IGF2R: variants seen among roughly 807,000 people sequenced by gnomAD.
IGF2R encodes insulin like growth factor 2 receptor.
IGF2R carries 91 observed loss-of-function variants against 270.6 expected under a neutral mutation model. The observed-to-expected ratio is 0.34, with a 90% confidence interval of 0.28 to 0.40. The LOEUF is 0.40. Among genes scored for constraint, IGF2R ranks in the 10% least tolerant of loss-of-function variants. The probability of loss-of-function intolerance (pLI) is 1.00; values close to 1 mark genes in which losing one functional copy is unlikely to be tolerated. For missense variants in IGF2R, 2,805 were observed against 3,188.3 expected (o/e 0.88, Z 2.90); for synonymous variants, 1,316 against 1,258.9 (o/e 1.05, Z -0.96).
chr6:160,042,548 C>G (rs1291257080), intron 11 of IGF2R, among the ~76,000 whole-genome samples: 1 of 152,172 alleles, frequency 6.6e-6, no homozygotes, highest in Non-Finnish European at 1.5e-5. Context: ...GCTGGTGCCC[C>G]CTCACGTCCT....
chr6:159,981,410 G>A (rs1413378699), intron 1 of IGF2R, among the ~76,000 whole-genome samples: 2 of 152,054 alleles, frequency 1.3e-5, no homozygotes, highest in East Asian at 1.9e-4. Flanking sequence ...AGATGCCTCC[G>A]GACAGGGGCC....
chr6:160,085,388 A>G (rs541378010), intron 41 of IGF2R, among the ~76,000 whole-genome samples: 1 of 152,344 alleles, frequency 6.6e-6, no homozygotes, highest in Admixed American at 6.5e-5. Flanking sequence ...GCGTCTATCC[A>G]GGAGGAAGTC....
At chr6:160,097,762 G>A (rs745679593) in intron 45 of IGF2R, among the ~76,000 whole-genome samples, 80 of 152,296 alleles carry the variant, frequency 5.3e-4, no homozygotes, top group Non-Finnish European at 9.1e-4. Flanking sequence ...GACGACAGTG[G>A]TGGGGGTCAT....
intron 45 of IGF2R, among the ~76,000 whole-genome samples, chr6:160,097,409 C>A (rs991378132): frequency 2.0e-5 from 3 of 152,182 alleles, no homozygotes; most frequent in Non-Finnish European, 4.4e-5. Context: ...TGGCTCGTTG[C>A]AACCTCTGCC....
chr6:160,037,093 T>C (rs980836129), intron 10 of IGF2R, among the ~76,000 whole-genome samples: 2 of 152,230 alleles, frequency 1.3e-5, no homozygotes, highest in African/African-American at 2.4e-5. Context: ...ATGGCTCATA[T>C]CACCCCACCC....
At chr6:160,059,281 C>T (rs1778380925) in intron 22 of IGF2R, among the ~76,000 whole-genome samples, 183 bp downstream of exon 22, 1 of 151,544 alleles carries the variant, frequency 6.6e-6, no homozygotes, top group Non-Finnish European at 1.5e-5. Context: ...ACAGGGGTCC[C>T]GTTATCCGTG....
intron 31 of IGF2R, among the ~76,000 whole-genome samples, chr6:160,070,599 GTGATCAGTTCTTC>G (rs1424632957): frequency 6.6e-6 from 1 of 152,232 alleles, no homozygotes; most frequent in Non-Finnish European, 1.5e-5. Flanking sequence ...ATGAGTGCCT[GTGATCAGTTCTTC>G]CCTTACTTGT....
At chr6:160,034,987 C>T (rs1241302285) in intron 10 of IGF2R, among the ~76,000 whole-genome samples, 5 of 152,120 alleles carry the variant, frequency 3.3e-5, no homozygotes, top group African/African-American at 9.7e-5. Flanking sequence ...TCACTGGGTG[C>T]ATTGAAGCTG....
At chr6:160,090,996 T>C (rs1160363793) in intron 44 of IGF2R, among the ~76,000 whole-genome samples, 59 of 111,726 alleles carry the variant, frequency 5.3e-4, no homozygotes, top group African/African-American at 1.7e-3. Flanking sequence ...AGCGCATCGC[T>C]GAGAAGGAGC....
At chr6:160,020,539 C>T (rs922287659) in intron 4 of IGF2R, among the ~76,000 whole-genome samples, 1 of 152,294 alleles carries the variant, frequency 6.6e-6, no homozygotes, top group Non-Finnish European at 1.5e-5. Flanking sequence ...TACCCACCTA[C>T]AGATTTTACT....
At chr6:160,006,884 G>A (rs1448186770) in intron 2 of IGF2R, 1 of 150,970 alleles carries the variant, frequency 6.6e-6, no homozygotes, top group Non-Finnish European at 1.5e-5. Flanking sequence ...CTTTTCGCTA[G>A]GAGTAATCAT....
intron 42 of IGF2R, among the ~76,000 whole-genome samples, chr6:160,088,498 G>A (rs1562374678): frequency 6.6e-6 from 1 of 152,188 alleles, no homozygotes; most frequent in South Asian, 2.1e-4. Context: ...TGGGACCCTC[G>A]AGCAGCTGGG....
At chr6:159,969,718 G>C (rs1562326763) in intron 1 of IGF2R, among the ~76,000 whole-genome samples, 1 of 152,160 alleles carries the variant, frequency 6.6e-6, no homozygotes, top group Non-Finnish European at 1.5e-5. Flanking sequence ...GCCTGCCCTC[G>C]CGCGGCCGGG....
chr6:159,975,527 C>G (rs917887805), intron 1 of IGF2R, among the ~76,000 whole-genome samples: 23 of 151,908 alleles, frequency 1.5e-4, no homozygotes, highest in African/African-American at 5.1e-4. Flanking sequence ...AGATGAGAGT[C>G]CTACCTTGGG....
At chr6:159,977,753 A>G (rs1783716656) in intron 1 of IGF2R, among the ~76,000 whole-genome samples, 1 of 152,224 alleles carries the variant, frequency 6.6e-6, no homozygotes, top group Admixed American at 6.5e-5. Context: ...TGGGCAAGTC[A>G]CAGAACCTCT....
chr6:160,100,134 A>G (rs1473150665), intron 45 of IGF2R, among the ~76,000 whole-genome samples: 1 of 152,310 alleles, frequency 6.6e-6, no homozygotes, highest in East Asian at 1.9e-4. Flanking sequence ...TCAGCCCAGT[A>G]TGGTAGAAAT....
At position 160,103,319 on chromosome 6, in the gene IGF2R, C is replaced by CA. The variant is rs755283229; in HGVS notation, c.6996-412dup. Among the ~76,000 whole-genome samples the CA allele has an allele frequency of 7.0e-3, 766 of 109,684 alleles. 2 individuals carry two copies. The highest frequency in any genetic ancestry group is 0.017 in the African/African-American group (494 of 29,364). The allele number at this position is 109,684 out of a possible 152,430, so 72.0% of individuals were successfully genotyped here. A position where few individuals can be genotyped will look rare whatever the true frequency, so the allele number is the denominator to read the frequency against. ...CTGGGCAACACAGTGAGACTCTGTC[C>CA]AAAAAAAAAAAAAAAGTACCGATTG... On this transcript the variant is annotated intron_variant, in intron 46 of 47. Coordinates refer to ENST00000356956, the MANE Select transcript of IGF2R (RefSeq NM_000876.4).
chr6:159,988,512 CAAAAAAAAAAAA>C (rs59531292), intron 1 of IGF2R, among the ~76,000 whole-genome samples: 5 of 50,478 alleles, frequency 9.9e-5, no homozygotes, highest in South Asian at 1.5e-3. Flanking sequence ...GACTCCGTCT[CAAAAAAAAAAAA>C]AAAAAAAAAA....
chr6:159,988,673 T>A (rs973565870), intron 1 of IGF2R, among the ~76,000 whole-genome samples: 1 of 152,202 alleles, frequency 6.6e-6, no homozygotes, highest in Non-Finnish European at 1.5e-5. Flanking sequence ...CCACTGCCGC[T>A]ACTTGAAGTT....
Sources: gnomAD v4.1 joint callset for allele counts (sites outside exome capture counted in the v4.1 genomes callset) on GRCh38, gnomAD v4.1.1 for gene constraint, MANE v1.5 for transcripts, NCBI Gene and HGNC (gene_info 2026-07-23, HGNC 2026-07-21) for gene names.